OPHN1: variants seen among roughly 807,000 people sequenced by gnomAD.
The protein encoded by OPHN1 is oligophrenin 1.
OPHN1 carries 11 observed loss-of-function variants against 60.7 expected under a neutral mutation model. The observed-to-expected ratio is 0.18, with a 90% confidence interval of 0.11 to 0.30. OPHN1 has a LOEUF of 0.30. Ranked by LOEUF, OPHN1 falls within the 10% of genes least tolerant of loss-of-function variation. The pLI is 1.00. For synonymous variants in OPHN1, 226 were observed against 222.6 expected, an observed-to-expected ratio of 1.02 and a Z score of -0.14; for missense variants, 449 against 611.0, an observed-to-expected ratio of 0.73 and a Z score of 2.80.
chrX:68,056,767 A>G (rs954471206), intron 21 of OPHN1, among the ~76,000 whole-genome samples: 5 of 111,776 alleles, frequency 4.5e-5, no homozygotes, highest in African/African-American at 1.3e-4. Flanking sequence ...AGAAAAGTAA[A>G]CTGATTCATC....
intron 15 of OPHN1, among the ~76,000 whole-genome samples, chrX:68,151,025 A>T (rs988696450): frequency 1.8e-4 from 20 of 111,960 alleles, no homozygotes; most frequent in African/African-American, 6.2e-4. Flanking sequence ...AAGGAACTAG[A>T]TTAAGAAGCC....
Position 68,206,599 on chromosome X carries a change from T to C in OPHN1, c.907A>G (p.Met303Val), listed in dbSNP as rs1290762003. 8.3e-7 allele frequency: 1 copy of C among 1,210,957 alleles called. No homozygotes were observed. Among genetic ancestry groups the C allele is most frequent in the East Asian group, 3.0e-5 (1 of 33,857 alleles). ...KETKTLTMTP[M>V]EQKPGAKQGP... Reference sequence around the variant, plus strand: ...TGCTTAGCACCTGGCTTCTGCTCCATAGGCGTCATGGTCAGTGTTTTGGTC... The same window carrying C: ...TGCTTAGCACCTGGCTTCTGCTCCACAGGCGTCATGGTCAGTGTTTTGGTC... The change falls in exon 10 of 25, where the codon ATG becomes GTG. Residue 303 changes from methionine (M) to valine (V), a missense_variant. Physicochemically the swap from Met to Val is conservative, Grantham distance 21. Transcript: ENST00000355520.
At chrX:68,124,886 G>T (rs772285937) in intron 15 of OPHN1, among the ~76,000 whole-genome samples, 2 of 111,147 alleles carry the variant, frequency 1.8e-5, no homozygotes, top group African/African-American at 3.3e-5. Context: ...GGACTCAAGC[G>T]ATCTGCCCAC....
intron 2 of OPHN1, among the ~76,000 whole-genome samples, chrX:68,410,852 G>T (rs756014336): frequency 8.9e-6 from 1 of 111,839 alleles, no homozygotes; most frequent in Non-Finnish European, 1.9e-5. Flanking sequence ...GTTCACAATA[G>T]CCAAAAAGTG....
chrX:68,051,601 G>A (rs2076851936), intron 23 of OPHN1, among the ~76,000 whole-genome samples: 1 of 110,890 alleles, frequency 9.0e-6, no homozygotes, highest in African/African-American at 3.3e-5. Context: ...CCCTAAGGCT[G>A]TTTATCTTAG....
At chrX:68,067,626 C>G (rs2074561968) in intron 20 of OPHN1, among the ~76,000 whole-genome samples, 1 of 111,064 alleles carries the variant, frequency 9.0e-6, no homozygotes, top group African/African-American at 3.3e-5. Context: ...GGCAGAAAGA[C>G]AAGCTAGGGG....
intron 2 of OPHN1, among the ~76,000 whole-genome samples, chrX:68,423,322 G>A (rs151229760): frequency 0.046 from 5,129 of 111,778 alleles, 107 homozygotes; most frequent in Middle Eastern, 0.07. Context: ...ACCGCGCCCA[G>A]CCATAGATGT....
At chrX:68,244,232 T>C (rs1236378496) in intron 5 of OPHN1, among the ~76,000 whole-genome samples, 1 of 112,227 alleles carries the variant, frequency 8.9e-6, no homozygotes, top group Non-Finnish European at 1.9e-5. Context: ...CTTTTCAATG[T>C]TCAGGTCACA....
At chrX:68,235,861 C>T (rs146214512) in intron 5 of OPHN1, among the ~76,000 whole-genome samples, 2,574 of 104,564 alleles carry the variant, frequency 0.025, 67 homozygotes, top group Admixed American at 0.08. Context: ...CTGTTTCAGG[C>T]GGGGTGGACA....
intron 15 of OPHN1, among the ~76,000 whole-genome samples, chrX:68,126,106 T>C (rs1476946702): frequency 9.4e-6 from 1 of 106,728 alleles, no homozygotes; most frequent in Non-Finnish European, 1.9e-5. Context: ...ATCAATACAG[T>C]ACATCATACC....
intron 6 of OPHN1, among the ~76,000 whole-genome samples, chrX:68,218,492 T>A (rs1170812649): frequency 1.1e-4 from 12 of 105,663 alleles, no homozygotes; most frequent in Non-Finnish European, 1.8e-4. Context: ...TTCACCAAAG[T>A]TGAAATGAAG....
At chrX:68,392,069 T>C (rs1462028293) in intron 2 of OPHN1, among the ~76,000 whole-genome samples, 2 of 111,706 alleles carry the variant, frequency 1.8e-5, no homozygotes, top group Non-Finnish European at 3.8e-5. Context: ...AAATAGACAA[T>C]TGACCCTTGA....
At chrX:68,378,941 TTAAAG>T (rs1822621632) in intron 2 of OPHN1, among the ~76,000 whole-genome samples, 1 of 111,119 alleles carries the variant, frequency 9.0e-6, no homozygotes, top group African/African-American at 3.3e-5. Context: ...CATATGAACT[TTAAAG>T]TAGTTTTTTC....
chrX:68,229,850 T>C (rs1182008362), intron 6 of OPHN1, among the ~76,000 whole-genome samples: 1 of 111,826 alleles, frequency 8.9e-6, no homozygotes, highest in African/African-American at 3.3e-5. Flanking sequence ...GACATAGGCA[T>C]GGGCAAGGAC....
At position 68,113,354 on chromosome X, in the gene OPHN1, T is replaced by C. The variant is rs1156288151; in HGVS notation, c.1362-115A>G. 5.2e-6 allele frequency: 3 copies of C among 574,555 alleles called. No homozygotes were observed. The African/African-American group carries it at 6.8e-5, about 13-fold the overall frequency. 47.3% of individuals were successfully genotyped at this position (574,555 alleles called of 1,213,427 possible). ...TGAGCCCTACAGCTTAGTGGGATTA[T>C]ATACATTTTTCTCTTCACCTGAAGC... On this transcript the variant is annotated intron_variant, in intron 16 of 24. Coordinates refer to ENST00000355520, the MANE Select transcript of OPHN1 (RefSeq NM_002547.3).
At chrX:68,315,295 G>A (rs1323648470) in intron 2 of OPHN1, among the ~76,000 whole-genome samples, 2 of 110,018 alleles carry the variant, frequency 1.8e-5, no homozygotes, top group Non-Finnish European at 3.8e-5. Flanking sequence ...GAGGTAGGGA[G>A]GGAGGAAGGG....
intron 6 of OPHN1, among the ~76,000 whole-genome samples, chrX:68,215,653 C>A (rs1262376886): frequency 9.0e-6 from 1 of 111,019 alleles, no homozygotes; most frequent in Non-Finnish European, 1.9e-5. Flanking sequence ...TACAGCAGGG[C>A]AAGGATAAAG....
chrX:68,070,810 T>C (rs1602136382), intron 20 of OPHN1: 1 of 1,167,429 alleles, frequency 8.6e-7, no homozygotes, highest in Non-Finnish European at 1.2e-6. Context: ...AGCATACTTC[T>C]TGCTGCTTTC....
At chrX:68,108,626 A>T (rs1344602412) in intron 18 of OPHN1, among the ~76,000 whole-genome samples, 2 of 111,382 alleles carry the variant, frequency 1.8e-5, no homozygotes, top group Non-Finnish European at 3.8e-5. Flanking sequence ...TACTACTATT[A>T]ATAAACCTAC....
Sources: gnomAD v4.1 joint callset for allele counts (sites outside exome capture counted in the v4.1 genomes callset) on GRCh38, gnomAD v4.1.1 for gene constraint, MANE v1.5 for transcripts, NCBI Gene and HGNC (gene_info 2026-07-23, HGNC 2026-07-21) for gene names.